The following CLYBL variants were observed in gnomAD, a reference collection of about 807,000 sequenced individuals.
CLYBL encodes citramalyl-CoA lyase.
In CLYBL, 31 loss-of-function variants were observed where a neutral mutation model predicts 38.9. That is an observed-to-expected ratio of 0.80 (90% CI 0.60 to 1.08). The LOEUF is 1.08. CLYBL is among the 50% of genes least tolerant of loss of function. The pLI, the probability that CLYBL is intolerant of heterozygous loss-of-function variation, is 0.00. For synonymous variants in CLYBL, 171 were observed against 158.6 expected (o/e 1.08, Z -0.59); for missense variants, 434 against 411.6 (o/e 1.05, Z -0.47).
intron 1 of CLYBL, among the ~76,000 whole-genome samples, chr13:99,760,266 C>T (rs749501746): frequency 6.6e-6 from 1 of 152,162 alleles, no homozygotes; most frequent in Non-Finnish European, 1.5e-5. Context: ...AAAAAATCAA[C>T]TCTTCATTTC....
intron 1 of CLYBL, among the ~76,000 whole-genome samples, chr13:99,748,812 A>G (rs1271276494): frequency 1.3e-5 from 2 of 152,004 alleles, no homozygotes; most frequent in African/African-American, 2.4e-5. Flanking sequence ...TGTCTGTCCT[A>G]TTGTGTCTGG....
intron 2 of CLYBL, among the ~76,000 whole-genome samples, chr13:99,779,486 A>G (rs1016179741): frequency 3.9e-5 from 6 of 152,198 alleles, no homozygotes; most frequent in African/African-American, 1.4e-4. Context: ...TCTTGCTTGA[A>G]ATATAACATA....
rs1050550016 is a variant in CLYBL at position 99,902,910 on chromosome 13, T to G, written c.*25-2360T>G. On this transcript the variant is annotated intron_variant and NMD_transcript_variant, in intron 8 of 9. Coordinates refer to the CLYBL transcript ENST00000689673. Reference sequence around the variant, plus strand: ...GCCCCAGGGCATGAGCTTTACTTTTTTCAAAACTTTCAAATAAATATCTTT... The same window carrying G: ...GCCCCAGGGCATGAGCTTTACTTTTGTCAAAACTTTCAAATAAATATCTTT... Among the ~76,000 whole-genome samples, 6 of 152,392 alleles carry G rather than the reference T, an allele frequency of 3.9e-5. 1 individual carries two copies. Among genetic ancestry groups the G allele is most frequent in the Admixed American group, 3.9e-4 (6 of 15,310 alleles).
At chr13:99,774,884 T>G (rs1332390809) in intron 2 of CLYBL, among the ~76,000 whole-genome samples, 1 of 152,214 alleles carries the variant, frequency 6.6e-6, no homozygotes, top group Non-Finnish European at 1.5e-5. Context: ...CCATAACTCA[T>G]GTAGTGCACT....
chr13:99,747,531 T>C (rs1214099438), intron 1 of CLYBL, among the ~76,000 whole-genome samples: 1 of 152,044 alleles, frequency 6.6e-6, no homozygotes, highest in Admixed American at 6.6e-5. Flanking sequence ...CGGCCACATT[T>C]ATAGAAAGAT....
At chr13:99,882,907 A>AGAAAGCTGT (rs1413313787) in intron 7 of CLYBL, among the ~76,000 whole-genome samples, 1 of 152,030 alleles carries the variant, frequency 6.6e-6, no homozygotes, top group East Asian at 2.0e-4. Flanking sequence ...CCTGGCGCCC[A>AGAAAGCTGT]GAAAGCTGTG....
intron 1 of CLYBL, among the ~76,000 whole-genome samples, chr13:99,623,336 T>C (rs2046824272): frequency 6.6e-6 from 1 of 152,228 alleles, no homozygotes; most frequent in Admixed American, 6.5e-5. Context: ...TTCTTCCAAA[T>C]CATTTTTAAA....
chr13:99,895,825 G>T (rs2052569249), downstream of CLYBL: 1 of 152,246 alleles, frequency 6.6e-6, no homozygotes, highest in Non-Finnish European at 1.5e-5. Flanking sequence ...CGCCAAGCGC[G>T]CTGCAACCTG....
intron 8 of CLYBL, 148 bp downstream of exon 8, chr13:99,891,585 C>A: frequency 1.9e-6 from 1 of 536,258 alleles, no homozygotes; most frequent in Middle Eastern, 4.5e-4. Context: ...AGTTATTCCC[C>A]TAAAAAAATG....
chr13:99,835,528 C>T (rs1356094105), intron 2 of CLYBL, among the ~76,000 whole-genome samples: 1 of 152,202 alleles, frequency 6.6e-6, no homozygotes, highest in Non-Finnish European at 1.5e-5. Context: ...ATGCTAGCTG[C>T]AAGTGGGTCT....
At chr13:99,750,049 A>G (rs1336200952) in intron 1 of CLYBL, among the ~76,000 whole-genome samples, 1 of 152,000 alleles carries the variant, frequency 6.6e-6, no homozygotes, top group Non-Finnish European at 1.5e-5. Flanking sequence ...ATAGGCTCTT[A>G]CCTTCACTCA....
At chr13:99,834,206 C>T (rs1352400786) in intron 2 of CLYBL, among the ~76,000 whole-genome samples, 3 of 152,082 alleles carry the variant, frequency 2.0e-5, no homozygotes, top group Admixed American at 6.5e-5. Flanking sequence ...CTCAGGACCA[C>T]GGGAGCCTTG....
At chr13:99,719,681 T>A (rs990614148) in intron 1 of CLYBL, among the ~76,000 whole-genome samples, 1 of 151,890 alleles carries the variant, frequency 6.6e-6, no homozygotes, top group Non-Finnish European at 1.5e-5. Flanking sequence ...TAATTTTTTG[T>A]ATTTTTAGTA....
chr13:99,684,937 G>A (rs1022961056), intron 1 of CLYBL, among the ~76,000 whole-genome samples: 1 of 152,172 alleles, frequency 6.6e-6, no homozygotes, highest in Non-Finnish European at 1.5e-5. Flanking sequence ...TTATATATGT[G>A]ACCAATTGTT....
intron 2 of CLYBL, among the ~76,000 whole-genome samples, chr13:99,808,461 G>A (rs2050275532): frequency 6.6e-6 from 1 of 151,502 alleles, no homozygotes. Flanking sequence ...AGCAACTTTA[G>A]TCACCGGAGA....
Position 99,716,169 on chromosome 13 carries a change from ATTTTTTTTTT to A in CLYBL, c.63-56626_63-56617del, listed in dbSNP as rs4001024. On this transcript the variant is annotated intron_variant, in intron 1 of 8. Transcript: ENST00000339105. ...AAATTGTCCTTGCTTTATTGGTGTA[ATTTTTTTTTT>A]TTTTTTTTTTTTTTTTTTTTTTTTT... 8.1e-3 allele frequency among the ~76,000 whole-genome samples: 272 copies of A among 33,422 alleles called. 2 individuals carry two copies. The highest frequency in any genetic ancestry group is 0.013 in the Non-Finnish European group (215 of 16,354). The allele number at this position is 33,422 out of a possible 152,430, so 21.9% of individuals were successfully genotyped here.
At chr13:99,867,297 T>C (rs1240568245) in intron 6 of CLYBL, among the ~76,000 whole-genome samples, 1 of 152,236 alleles carries the variant, frequency 6.6e-6, no homozygotes. Context: ...GTTATAACTG[T>C]TTTTGAAATA....
intron 1 of CLYBL, among the ~76,000 whole-genome samples, chr13:99,680,713 A>G (rs777562526): frequency 7.2e-5 from 11 of 152,200 alleles, no homozygotes; most frequent in Non-Finnish European, 1.2e-4. Flanking sequence ...CCATGTGCCT[A>G]TGGAATACCT....
downstream of CLYBL, chr13:99,893,968 T>C (rs2052538340): frequency 6.6e-6 from 1 of 152,336 alleles, no homozygotes; most frequent in Admixed American, 6.5e-5. Context: ...TTCATTATCT[T>C]CCTCATAACC....
Sources: allele counts gnomAD v4.1 joint callset (sites outside exome capture counted in the v4.1 genomes callset), GRCh38; gene constraint gnomAD v4.1.1; transcripts MANE v1.5; gene names NCBI Gene and HGNC (gene_info 2026-07-23, HGNC 2026-07-21).